Variants in PRKG1 observed in about 807,000 individuals in gnomAD.
PRKG1 encodes cGMP-dependent protein kinase 1.
Under a neutral mutation model 88.1 loss-of-function variants are expected in PRKG1, and 35 were observed. The ratio of observed to expected loss-of-function variants is 0.40; its 90% confidence interval spans 0.30 to 0.53. The LOEUF is 0.53. Among genes scored for constraint, PRKG1 ranks in the 20% least tolerant of loss-of-function variants. The pLI is 0.59. For missense variants in PRKG1, 540 were observed against 839.8 expected (o/e 0.64, Z 4.41); for synonymous variants, 303 against 292.5 (o/e 1.04, Z -0.37).
chr10:51,586,415 A>C (rs1490677175), intron 3 of PRKG1, among the ~76,000 whole-genome samples: 1 of 152,120 alleles, frequency 6.6e-6, no homozygotes, highest in Non-Finnish European at 1.5e-5. Context: ...GAAGAAATTG[A>C]CATGAGGTAT....
intron 2 of PRKG1, among the ~76,000 whole-genome samples, chr10:51,207,348 T>C (rs1838089052): frequency 6.6e-6 from 1 of 152,204 alleles, no homozygotes; most frequent in African/African-American, 2.4e-5. Flanking sequence ...TCTTATTCAC[T>C]AAATCTCTTA....
At chr10:52,268,801 A>T (rs535399904) in intron 10 of PRKG1, among the ~76,000 whole-genome samples, 1 of 151,984 alleles carries the variant, frequency 6.6e-6, no homozygotes, top group Non-Finnish European at 1.5e-5. Context: ...GCAACATTTG[A>T]TTTGCCCTAT....
intron 2 of PRKG1, among the ~76,000 whole-genome samples, chr10:51,240,785 A>C (rs1487506850): frequency 6.6e-6 from 1 of 152,128 alleles, no homozygotes; most frequent in Non-Finnish European, 1.5e-5. Flanking sequence ...AAAACTCCCT[A>C]CTTAAAGGAA....
chr10:50,991,552 C>T lies in PRKG1; in HGVS notation c.174C>T (p.Thr58=), dbSNP rs768046375. The T allele has an allele frequency of 1.2e-6, 2 of 1,608,604 alleles. No homozygotes were observed. Among genetic ancestry groups the T allele is most frequent in the East Asian group, 2.2e-5 (1 of 44,518 alleles). The change falls in exon 1 of 18, where the codon ACC becomes ACT. Residue 58 remains threonine (T), a synonymous_variant. Transcript: ENST00000401604. The surrounding 1 kb of genome is among the most constrained non-coding windows in gnomAD (Gnocchi z 4.5). ...CCTCGACCCACATCGGCCCCCGGACCACCCGGGCGCAGGGCATCTCGGCCG... is the reference window on the plus strand; with the variant it reads ...CCTCGACCCACATCGGCCCCCGGACTACCCGGGCGCAGGGCATCTCGGCCG...
In PRKG1 at chr10:51,689,368, C is replaced by T. The variant is rs139440110; in HGVS notation, c.593-115217C>T. Among the ~76,000 whole-genome samples, 258 of 152,050 alleles carry T rather than the reference C, an allele frequency of 1.7e-3. 1 individual carries two copies. Among genetic ancestry groups the T allele is most frequent in the African/African-American group, 5.6e-3 (230 of 41,438 alleles). The stretch of plus-strand genomic sequence containing the variant: ...ACATTATCTATACCTATGTTTGTGC[C>T]TATATGCATATTCATATATTATAAT... On this transcript the variant is annotated intron_variant, in intron 3 of 17. Coordinates refer to ENST00000373980, the MANE Select transcript of PRKG1 (RefSeq NM_006258.4).
At chr10:51,137,500 A>G (rs1359106102) in intron 1 of PRKG1, among the ~76,000 whole-genome samples, 2 of 152,146 alleles carry the variant, frequency 1.3e-5, no homozygotes, top group Non-Finnish European at 2.9e-5. Context: ...ACTTAGTACT[A>G]TGAGAATCTT....
chr10:51,295,534 G>A (rs1209550936), intron 2 of PRKG1, among the ~76,000 whole-genome samples: 2 of 150,670 alleles, frequency 1.3e-5, no homozygotes, highest in African/African-American at 4.9e-5. Flanking sequence ...TTCTTTTTTT[G>A]TAGTCTATAG....
Position 51,008,763 on chromosome 10 carries a change from G to A in PRKG1, c.266+17119G>A, listed in dbSNP as rs548999127. On this transcript the variant is annotated intron_variant, in intron 1 of 17. Coordinates refer to the PRKG1 transcript ENST00000401604. The stretch of plus-strand genomic sequence containing the variant: ...CTTCAAGCCCAAGATATGGAGCTGT[G>A]ACTTCTGAAGTCTGCTGAGCCCATG... Among the ~76,000 whole-genome samples, 12 of 152,240 alleles carry A rather than the reference G, an allele frequency of 7.9e-5. No individual in the cohort carries two copies. In the South Asian group the frequency reaches 2.5e-3, roughly 32 times the overall value.
intron 2 of PRKG1, among the ~76,000 whole-genome samples, chr10:51,407,387 A>C (rs1837951546): frequency 6.6e-6 from 1 of 152,228 alleles, no homozygotes; most frequent in Admixed American, 6.5e-5. Context: ...CTATTACATA[A>C]AGTTAACAAT....
chr10:51,855,879 C>T (rs1001545444), intron 4 of PRKG1, among the ~76,000 whole-genome samples: 7 of 152,240 alleles, frequency 4.6e-5, no homozygotes, highest in South Asian at 2.1e-4. Context: ...ACAAACTTGA[C>T]GGCTTAAGAA....
intron 3 of PRKG1, among the ~76,000 whole-genome samples, chr10:51,778,735 T>C (rs1231844212): frequency 6.6e-6 from 1 of 152,118 alleles, no homozygotes; most frequent in African/African-American, 2.4e-5. Context: ...GTAGATATGA[T>C]ATTTACCTGT....
intron 2 of PRKG1, among the ~76,000 whole-genome samples, chr10:51,250,867 C>G (rs1316247644): frequency 6.6e-6 from 1 of 151,618 alleles, no homozygotes; most frequent in African/African-American, 2.4e-5. Flanking sequence ...CTATGCCTTC[C>G]AGCCCTACAC....
chr10:51,991,008 T>C (rs1362697448), intron 5 of PRKG1, among the ~76,000 whole-genome samples: 1 of 152,128 alleles, frequency 6.6e-6, no homozygotes, highest in Admixed American at 6.6e-5. Flanking sequence ...TACTTTTCGA[T>C]TTCTTTCCTC....
At chr10:52,187,462 G>A (rs1839227964) in intron 9 of PRKG1, among the ~76,000 whole-genome samples, 1 of 152,126 alleles carries the variant, frequency 6.6e-6, no homozygotes, top group African/African-American at 2.4e-5. Flanking sequence ...TGATACAAGT[G>A]TATATTGTGA....
intron 3 of PRKG1, among the ~76,000 whole-genome samples, chr10:51,743,713 TA>T (rs1305500973): frequency 1.0e-5 from 1 of 96,286 alleles, no homozygotes; most frequent in East Asian, 2.5e-4. Context: ...ATAAACTAAA[TA>T]TATATATATA....
At chr10:51,436,702 T>C (rs1355815017) in intron 2 of PRKG1, among the ~76,000 whole-genome samples, 1 of 152,044 alleles carries the variant, frequency 6.6e-6, no homozygotes, top group African/African-American at 2.4e-5. Context: ...AGTCTCAAAA[T>C]GTTTAATTTG....
chr10:51,560,847 T>C (rs1837439800), intron 3 of PRKG1, among the ~76,000 whole-genome samples: 2 of 151,990 alleles, frequency 1.3e-5, no homozygotes, highest in African/African-American at 4.8e-5. Context: ...AAATATACAG[T>C]TTTGTATATG....
chr10:52,010,866 GA>G (rs1844862966), intron 5 of PRKG1, among the ~76,000 whole-genome samples: 1 of 151,956 alleles, frequency 6.6e-6, no homozygotes, highest in Non-Finnish European at 1.5e-5. Flanking sequence ...ACTCCAGAAA[GA>G]AAAAGCCAAA....
At chr10:51,520,892 T>C (rs1003380729) in intron 3 of PRKG1, among the ~76,000 whole-genome samples, 1 of 152,204 alleles carries the variant, frequency 6.6e-6, no homozygotes, top group South Asian at 2.1e-4. Flanking sequence ...TTTAGACATA[T>C]ATAAAATTAG....
Sources: gnomAD v4.1 joint callset for allele counts (sites outside exome capture counted in the v4.1 genomes callset) on GRCh38, gnomAD v4.1.1 for gene constraint, Gnocchi (gnomAD v3.1) non-coding constraint, MANE v1.5 for transcripts, NCBI Gene and HGNC (gene_info 2026-07-23, HGNC 2026-07-21) for gene names.